GRK7: variants seen among roughly 807,000 people sequenced by gnomAD.
GRK7 encodes the protein G protein-coupled receptor kinase 7, also known as rhodopsin kinase GRK7.
A neutral mutation model predicts 34.1 loss-of-function variants in GRK7; 24 were observed. The ratio of observed to expected loss-of-function variants is 0.70; its 90% CI spans 0.51 to 0.99. GRK7 has a LOEUF of 0.99. Among genes scored for constraint, GRK7 ranks in the 50% least tolerant of loss-of-function variants. The pLI is 0.00. For synonymous variants in GRK7, 256 were observed against 279.4 expected, an observed-to-expected ratio of 0.92 and a Z score of 0.84; for missense variants, 644 against 707.3, an observed-to-expected ratio of 0.91 and a Z score of 1.02.
the GRK7 span, among the ~76,000 whole-genome samples, chr3:141,750,838 G>A: frequency 4.7e-5 from 7 of 149,888 alleles, no homozygotes; most frequent in Admixed American, 4.7e-4. Context: ...GGTTCCCAAA[G>A]AAGTGTGTGT....
intron 4 of GRK7, among the ~76,000 whole-genome samples, chr3:141,797,501 G>C (rs903157789): frequency 6.6e-6 from 1 of 152,254 alleles, no homozygotes; most frequent in East Asian, 1.9e-4. Flanking sequence ...AGAGCCCCAG[G>C]AAACAGCTGA....
chr3:141,804,266 T>C (rs1711001087), intron 4 of GRK7, among the ~76,000 whole-genome samples: 1 of 152,184 alleles, frequency 6.6e-6, no homozygotes, highest in African/African-American at 2.4e-5. Context: ...TTTAGTCATC[T>C]GGGATTTCGT....
At chr3:141,808,033 T>G (rs1283730597) in intron 5 of GRK7, 114 bp downstream of exon 5, 1 of 943,210 alleles carries the variant, frequency 1.1e-6, no homozygotes, top group Non-Finnish European at 1.5e-6. Flanking sequence ...ATTTTCTTAT[T>G]TTTATTTGCA....
upstream of GRK7, among the ~76,000 whole-genome samples, chr3:141,762,901 C>T (rs1315473750): frequency 6.6e-6 from 1 of 152,314 alleles, no homozygotes; most frequent in Non-Finnish European, 1.5e-5. Context: ...CAGGTGCGTC[C>T]GTCACTCCTT....
the GRK7 span, among the ~76,000 whole-genome samples, chr3:141,750,104 T>C: frequency 1.3e-5 from 2 of 152,254 alleles, no homozygotes; most frequent in African/African-American, 4.8e-5. Context: ...AATTAACCTT[T>C]TTCTATTAGG....
At chr3:141,815,826 G>A (rs1341753567) in intron 5 of GRK7, among the ~76,000 whole-genome samples, 1 of 151,866 alleles carries the variant, frequency 6.6e-6, no homozygotes, top group Non-Finnish European at 1.5e-5. Flanking sequence ...ATAACCACAT[G>A]AGTGAGCTTG....
intron 3 of GRK7, among the ~76,000 whole-genome samples, chr3:141,779,526 A>C (rs966082091): frequency 6.6e-6 from 1 of 152,258 alleles, no homozygotes; most frequent in Non-Finnish European, 1.5e-5. Flanking sequence ...GTAATAAAAA[A>C]TATTTCAGGT....
At chr3:141,804,602 C>T (rs1413726919) in intron 4 of GRK7, among the ~76,000 whole-genome samples, 1 of 151,272 alleles carries the variant, frequency 6.6e-6, no homozygotes, top group East Asian at 1.9e-4. Context: ...CAGGCACTCA[C>T]ACACGCATAC....
chr3:141,816,399 T>A (rs113325704), intron 5 of GRK7, among the ~76,000 whole-genome samples: 29 of 152,286 alleles, frequency 1.9e-4, no homozygotes, highest in African/African-American at 6.7e-4. Context: ...GGCAAGCAGG[T>A]GTGTTTCTAC....
chr3:141,807,522 AG>A (rs1711047697), intron 4 of GRK7, 122 bp from the exon 5 acceptor site: 1 of 865,640 alleles, frequency 1.2e-6, no homozygotes, highest in Non-Finnish European at 1.8e-6. Context: ...CAAACAAATT[AG>A]GGTTCCCTCA....
chr3:141,800,498 A>T (rs1035685473), intron 4 of GRK7, among the ~76,000 whole-genome samples: 3 of 152,254 alleles, frequency 2.0e-5, no homozygotes, highest in Non-Finnish European at 4.4e-5. Context: ...ACTATTTTTT[A>T]AAACTTGTAA....
upstream of GRK7, among the ~76,000 whole-genome samples, chr3:141,760,110 C>T (rs1425120866): frequency 1.3e-5 from 2 of 151,668 alleles, no homozygotes. Context: ...AAAACCAGCT[C>T]CTGGATTCAT....
chr3:141,782,819 A>G (rs2084678591), intron 4 of GRK7, among the ~76,000 whole-genome samples: 1 of 152,150 alleles, frequency 6.6e-6, no homozygotes, highest in African/African-American at 2.4e-5. Flanking sequence ...AAAGAAAAAA[A>G]AAAAAAGAAG....
chr3:141,813,195 G>T (rs769107079), intron 5 of GRK7, among the ~76,000 whole-genome samples: 2 of 152,100 alleles, frequency 1.3e-5, no homozygotes, highest in Non-Finnish European at 2.9e-5. Flanking sequence ...GCCCGATCTC[G>T]GCTCACTGCA....
chr3:141,802,222 A>C (rs962986439), intron 4 of GRK7, among the ~76,000 whole-genome samples: 21 of 152,242 alleles, frequency 1.4e-4, no homozygotes, highest in Non-Finnish European at 2.9e-4. Flanking sequence ...GCATGGTGGC[A>C]TGCACCTGTG....
At chr3:141,780,883 C>A in intron 4 of GRK7, 72 bp downstream of exon 4, 2 of 1,350,050 alleles carry the variant, frequency 1.5e-6, no homozygotes, top group Non-Finnish European at 1.0e-6. Flanking sequence ...TTTTCTATTC[C>A]CAGGGCAAAT....
At chr3:141,782,792 G>A (rs9842184) in intron 4 of GRK7, among the ~76,000 whole-genome samples, 76,272 of 150,130 alleles carry the variant, frequency 0.51, 20,586 homozygotes, top group East Asian at 0.73. Context: ...GCTACAAAGC[G>A]AGACTCCATC....
chr3:141,766,198 C>T (rs1312083934), intron 1 of GRK7, among the ~76,000 whole-genome samples: 1 of 151,428 alleles, frequency 6.6e-6, no homozygotes, highest in Non-Finnish European at 1.5e-5. Context: ...GAGTCTCACT[C>T]TGTCGTCCAG....
chr3:141,796,343 G>A (rs1191569377), intron 4 of GRK7, among the ~76,000 whole-genome samples: 2 of 152,174 alleles, frequency 1.3e-5, no homozygotes, highest in African/African-American at 4.8e-5. Flanking sequence ...TGCCTTTAGC[G>A]TTGATGAGAA....
Sources: gnomAD v4.1 joint callset for allele counts (sites outside exome capture counted in the v4.1 genomes callset) on GRCh38, gnomAD v4.1.1 for gene constraint, MANE v1.5 for transcripts, NCBI Gene and HGNC (gene_info 2026-07-23, HGNC 2026-07-21) for gene names.